NAALAD2: variants seen among roughly 807,000 people sequenced by gnomAD.
The protein encoded by NAALAD2 is N-acetylated alpha-linked acidic dipeptidase 2.
In NAALAD2, 89 loss-of-function variants were observed where a neutral mutation model predicts 95.6. The observed-to-expected ratio is 0.93, with a 90% confidence interval of 0.78 to 1.11. NAALAD2 has a LOEUF of 1.11. NAALAD2 is among the 50% of genes least tolerant of loss of function. The pLI is 0.00. For synonymous variants in NAALAD2, 264 were observed against 294.4 expected (o/e 0.90, Z 1.06); for missense variants, 894 against 872.4 (o/e 1.02, Z -0.31).
chr11:90,144,839 G>A (rs1438894422), intron 2 of NAALAD2, among the ~76,000 whole-genome samples: 3 of 151,926 alleles, frequency 2.0e-5, no homozygotes, highest in African/African-American at 7.3e-5. Context: ...AGAGCTAAAG[G>A]GTTAATGAAC....
chr11:90,148,764 G>A (rs1272093661), intron 3 of NAALAD2, among the ~76,000 whole-genome samples: 2 of 152,090 alleles, frequency 1.3e-5, no homozygotes, highest in African/African-American at 4.8e-5. Flanking sequence ...TTGAAGCTCT[G>A]CTGTTACACT....
intron 18 of NAALAD2, among the ~76,000 whole-genome samples, chr11:90,191,102 G>A (rs1253132272): frequency 6.6e-6 from 1 of 152,070 alleles, no homozygotes. Flanking sequence ...TGAAATACAG[G>A]CTTCTTTAAT....
intron 11 of NAALAD2, among the ~76,000 whole-genome samples, chr11:90,164,854 G>A (rs941101046): frequency 3.9e-5 from 6 of 152,278 alleles, no homozygotes; most frequent in Admixed American, 3.9e-4. Flanking sequence ...CTCAAATGTA[G>A]TAATTTTTGA....
At chr11:90,154,703 A>T (rs1181402182) in intron 6 of NAALAD2, among the ~76,000 whole-genome samples, 2 of 151,056 alleles carry the variant, frequency 1.3e-5, no homozygotes, top group African/African-American at 4.9e-5. Context: ...AATGGGTTCA[A>T]TGTTGTCTAT....
chr11:90,144,691 G>A (rs1454539950), intron 2 of NAALAD2, among the ~76,000 whole-genome samples: 3 of 143,454 alleles, frequency 2.1e-5, no homozygotes, highest in Non-Finnish European at 3.0e-5. Context: ...GCAGTAAGTC[G>A]AGATTGTACC....
intron 11 of NAALAD2, among the ~76,000 whole-genome samples, chr11:90,164,652 T>C (rs535595270): frequency 6.6e-6 from 1 of 152,208 alleles, no homozygotes; most frequent in Non-Finnish European, 1.5e-5. Context: ...GATTTACCCA[T>C]TTTAACTCAT....
chr11:90,141,769 G>A (rs1421755862), intron 2 of NAALAD2, among the ~76,000 whole-genome samples: 1 of 151,894 alleles, frequency 6.6e-6, no homozygotes, highest in Non-Finnish European at 1.5e-5. Flanking sequence ...GAAAGAGTTT[G>A]GTTTGTTTGT....
upstream of NAALAD2, among the ~76,000 whole-genome samples, chr11:90,133,473 T>A (rs1384895714): frequency 6.7e-6 from 1 of 149,114 alleles, no homozygotes; most frequent in Admixed American, 6.7e-5. Flanking sequence ...TGCTGGAAAA[T>A]CAACTCACAA....
At chr11:90,169,732 G>A (rs1052710485) in intron 12 of NAALAD2, 2 of 258,914 alleles carry the variant, frequency 7.7e-6, no homozygotes, top group Non-Finnish European at 7.4e-6. Context: ...CTATTGCATA[G>A]AATGAAACAA....
At chr11:90,167,739 T>G (rs1005955630) in intron 11 of NAALAD2, among the ~76,000 whole-genome samples, 1 of 152,148 alleles carries the variant, frequency 6.6e-6, no homozygotes, top group Non-Finnish European at 1.5e-5. Context: ...GGTTTGTGAA[T>G]GCACCAATCC....
intron 6 of NAALAD2, among the ~76,000 whole-genome samples, chr11:90,155,018 A>C (rs145765964): frequency 1.4e-5 from 1 of 73,506 alleles, no homozygotes; most frequent in Admixed American, 2.0e-4. Context: ...TATTATATAC[A>C]TATACATAAT....
intron 5 of NAALAD2, among the ~76,000 whole-genome samples, chr11:90,152,019 T>C (rs1158363941): frequency 6.6e-6 from 1 of 152,146 alleles, no homozygotes; most frequent in Admixed American, 6.6e-5. Context: ...ATAGAAAATA[T>C]AGAACTACAA....
chr11:90,150,634 A>G, intron 5 of NAALAD2, 27 bp downstream of exon 5: 2 of 1,554,924 alleles, frequency 1.3e-6, no homozygotes, highest in South Asian at 1.2e-5. Flanking sequence ...TTTTCTACAG[A>G]GAATGAGAGG....
chr11:90,190,153 A>T (rs977457947), intron 18 of NAALAD2, among the ~76,000 whole-genome samples: 1 of 152,160 alleles, frequency 6.6e-6, no homozygotes, highest in African/African-American at 2.4e-5. Flanking sequence ...TATTTACTGA[A>T]CACCTATTAA....
At chr11:90,155,523 A>G (rs1481415420) in intron 6 of NAALAD2, among the ~76,000 whole-genome samples, 1 of 116,644 alleles carries the variant, frequency 8.6e-6, no homozygotes, top group African/African-American at 3.5e-5. Context: ...ATAATTACAT[A>G]TTATATATGC....
At chr11:90,175,320 C>A (rs976365143) in intron 14 of NAALAD2, among the ~76,000 whole-genome samples, 11 of 152,040 alleles carry the variant, frequency 7.2e-5, no homozygotes, top group Non-Finnish European at 1.3e-4. Context: ...ATCTACTAAC[C>A]TAATAGTTTG....
At chr11:90,135,102 G>C (rs1464641422) in intron 1 of NAALAD2, 1 of 454,732 alleles carries the variant, frequency 2.2e-6, no homozygotes, top group African/African-American at 2.0e-5. Flanking sequence ...AGCTGTCACT[G>C]TCTGCAGGGA....
At chr11:90,180,144 A>G (rs1400145429) in intron 16 of NAALAD2, among the ~76,000 whole-genome samples, 2 of 152,198 alleles carry the variant, frequency 1.3e-5, no homozygotes, top group African/African-American at 4.8e-5. Flanking sequence ...TCACTAGCCA[A>G]TCCACTGTGC....
At chr11:90,178,167 A>G in intron 16 of NAALAD2, 50 bp downstream of exon 16, 1 of 1,528,488 alleles carries the variant, frequency 6.5e-7, no homozygotes, top group Non-Finnish European at 8.8e-7. Flanking sequence ...TAGAGCTTTA[A>G]GATATTATCT....
Sources: allele counts gnomAD v4.1 joint callset (sites outside exome capture counted in the v4.1 genomes callset), GRCh38; gene constraint gnomAD v4.1.1; transcripts MANE v1.5; gene names NCBI Gene and HGNC (gene_info 2026-07-23, HGNC 2026-07-21).